Variants in PALLD observed in about 807,000 individuals in gnomAD.
PALLD encodes palladin, cytoskeletal associated protein.
In PALLD, 61 loss-of-function variants were observed where a neutral mutation model predicts 123.5. The observed-to-expected ratio is 0.49, with a 90% CI of 0.40 to 0.61. PALLD has a LOEUF of 0.61. Ranked by LOEUF, PALLD falls within the 20% of genes least tolerant of loss-of-function variation. The probability of loss-of-function intolerance (pLI) is 0.00; values close to 1 mark genes in which losing one functional copy is unlikely to be tolerated. For synonymous variants in PALLD, 465 were observed against 496.4 expected, an observed-to-expected ratio of 0.94 and a Z score of 0.84; for missense variants, 1,273 against 1,377.0, an observed-to-expected ratio of 0.92 and a Z score of 1.20.
intron 10 of PALLD, among the ~76,000 whole-genome samples, chr4:168,721,421 T>C (rs566171005): frequency 1.3e-5 from 2 of 152,020 alleles, no homozygotes; most frequent in South Asian, 4.2e-4. Context: ...ATAGACAAAA[T>C]GATATATGTA....
In PALLD at chr4:168,580,309, C is replaced by A. The variant is rs79548400; in HGVS notation, c.908+67897C>A. Among the ~76,000 whole-genome samples the A allele has an allele frequency of 2.8e-3, 422 of 151,332 alleles. 4 individuals are homozygous for A. The highest frequency in any genetic ancestry group is 8.6e-3 in the African/African-American group (354 of 41,206). On this transcript the variant is annotated intron_variant, in intron 2 of 21. Coordinates refer to ENST00000505667, the MANE Select transcript of PALLD (RefSeq NM_001166108.2). ...ATCCATGCATCCATCAACAGATGGGCAAAGGACATGAACAGACAACTTTCA... is the reference window on the plus strand; with the variant it reads ...ATCCATGCATCCATCAACAGATGGGAAAAGGACATGAACAGACAACTTTCA...
chr4:168,668,291 A>G lies in PALLD; in HGVS notation c.1010A>G (p.Asp337Gly). 6.2e-7 allele frequency: 1 copy of G among 1,614,138 alleles called. No individual in the cohort carries two copies. Among genetic ancestry groups the G allele is most frequent in the Non-Finnish European group, 8.5e-7 (1 of 1,179,978 alleles). Residue 337 changes from aspartate (D) to glycine (G), a missense_variant, in exon 3 of 22, where the codon GAC becomes GGC. This residue lies in a region of PALLD where 944 missense variants were observed against 954.5 expected (regional missense o/e 0.99). Transcript: ENST00000505667. Reference sequence around the variant, plus strand: ...CTGATCATAGCAGAGGCCTTTGAGGACGACACAGGTCGCTACACCTGTTTG... The same window carrying G: ...CTGATCATAGCAGAGGCCTTTGAGGGCGACACAGGTCGCTACACCTGTTTG... ...HTLIIAEAFE[D>G]DTGRYTCLAT... is the part of the protein sequence containing the mutation.
intron 10 of PALLD, among the ~76,000 whole-genome samples, chr4:168,825,347 G>T (rs984500948): frequency 6.6e-6 from 1 of 152,074 alleles, no homozygotes; most frequent in Non-Finnish European, 1.5e-5. Context: ...GATATATACT[G>T]CAAAATAATC....
At chr4:168,752,023 C>G (rs1055097998) in intron 10 of PALLD, among the ~76,000 whole-genome samples, 1 of 152,186 alleles carries the variant, frequency 6.6e-6, no homozygotes, top group Non-Finnish European at 1.5e-5. Context: ...CGGGCTCTGT[C>G]GAACACTCAG....
chr4:168,515,630 C>T (rs2058573162), intron 2 of PALLD, among the ~76,000 whole-genome samples: 1 of 152,140 alleles, frequency 6.6e-6, no homozygotes, highest in Admixed American at 6.5e-5. Flanking sequence ...TCCAGGCTGA[C>T]TTATAGGGAA....
At chr4:168,906,827 A>G (rs576237043) in intron 15 of PALLD, among the ~76,000 whole-genome samples, 1 of 152,262 alleles carries the variant, frequency 6.6e-6, no homozygotes, top group East Asian at 1.9e-4. Flanking sequence ...AATCTTACCC[A>G]AAGCCCAATA....
rs367779504 is a variant in PALLD, at chr4:168,670,602, G to A, written c.1087+2234G>A. ...CAAAAAATTAGCCGGGCGCGGTGGC[G>A]GGCGCCTGTAGTCCCAGCTACTCGG... On this transcript the variant is annotated intron_variant, in intron 3 of 21. Transcript: ENST00000505667. Among the ~76,000 whole-genome samples, 18 of 150,474 alleles carry A rather than the reference G, an allele frequency of 1.2e-4. No homozygotes were observed. In the South Asian group the frequency reaches 2.3e-3, roughly 19 times the overall value.
At chr4:168,841,081 C>A (rs1745970085) in intron 10 of PALLD, among the ~76,000 whole-genome samples, 1 of 152,164 alleles carries the variant, frequency 6.6e-6, no homozygotes, top group Admixed American at 6.5e-5. Flanking sequence ...AAACTCCTGA[C>A]CTCGTGATCC....
At chr4:168,899,733 A>C (rs1756047884) in intron 14 of PALLD, among the ~76,000 whole-genome samples, 1 of 152,088 alleles carries the variant, frequency 6.6e-6, no homozygotes, top group African/African-American at 2.4e-5. Flanking sequence ...CCTGGCCAAC[A>C]TGGTGAAACC....
At chr4:168,566,533 T>C (rs1768407246) in intron 2 of PALLD, among the ~76,000 whole-genome samples, 1 of 152,014 alleles carries the variant, frequency 6.6e-6, no homozygotes, top group Non-Finnish European at 1.5e-5. Flanking sequence ...CCTAGTCCTA[T>C]GAGTTCCTCC....
At chr4:168,804,964 G>T (rs931819473) in intron 10 of PALLD, among the ~76,000 whole-genome samples, 5 of 152,098 alleles carry the variant, frequency 3.3e-5, no homozygotes, top group African/African-American at 7.2e-5. Flanking sequence ...TTCAAGACCA[G>T]CCTGGCCAAC....
chr4:168,869,803 G>C lies in PALLD; in HGVS notation c.1965-21119G>C, dbSNP rs1179223799. 6.6e-6 allele frequency among the ~76,000 whole-genome samples: 1 copy of C among 152,104 alleles called. No homozygotes were observed. The highest frequency in any genetic ancestry group is 6.5e-5 in the Admixed American group (1 of 15,272). ...ATAGTGGAATTCAGGACTGAGGGCT[G>C]GGTTAGAGAGATCAGGGAGTGAGAG... On this transcript the variant is annotated intron_variant, in intron 10 of 21. Transcript: ENST00000505667. The surrounding 1 kb of genome is among the most constrained non-coding windows in gnomAD (Gnocchi z 4.5).
chr4:168,890,321 C>T (rs898910176), intron 10 of PALLD, among the ~76,000 whole-genome samples: 2 of 152,136 alleles, frequency 1.3e-5, no homozygotes, highest in Non-Finnish European at 2.9e-5. Flanking sequence ...CCTCCCAGAG[C>T]CCTCTTGTAT....
At chr4:168,805,068 G>T (rs1739971483) in intron 10 of PALLD, among the ~76,000 whole-genome samples, 1 of 151,834 alleles carries the variant, frequency 6.6e-6, no homozygotes, top group Non-Finnish European at 1.5e-5. Flanking sequence ...CGAGACAGGA[G>T]AATCGTTTAA....
intron 15 of PALLD, among the ~76,000 whole-genome samples, chr4:168,905,252 A>G (rs1288530447): frequency 1.5e-3 from 209 of 136,934 alleles, no homozygotes; most frequent in Non-Finnish European, 2.2e-3. Context: ...CTGCGTTCAC[A>G]CCATTCTCCT....
intron 17 of PALLD, 108 bp from the exon 18 acceptor site, chr4:168,921,426 A>AAG (rs1761486276): frequency 1.5e-6 from 1 of 648,158 alleles, no homozygotes; most frequent in Non-Finnish European, 2.6e-6. Context: ...AAAAAAAAAA[A>AAG]GCCACCTCTT....
At chr4:168,558,194 C>T (rs1486219446) in intron 2 of PALLD, among the ~76,000 whole-genome samples, 1 of 152,182 alleles carries the variant, frequency 6.6e-6, no homozygotes, top group East Asian at 1.9e-4. Flanking sequence ...TCCTTCATGT[C>T]CCATGTTTAC....
chr4:168,741,450 G>C (rs908241779), intron 10 of PALLD, among the ~76,000 whole-genome samples: 8 of 152,092 alleles, frequency 5.3e-5, no homozygotes, highest in African/African-American at 1.9e-4. Context: ...GCAGAGGTAG[G>C]AGGATTGCCT....
At chr4:168,785,611 G>A (rs537789518) in intron 10 of PALLD, among the ~76,000 whole-genome samples, 2 of 151,818 alleles carry the variant, frequency 1.3e-5, no homozygotes, top group South Asian at 2.1e-4. Flanking sequence ...TTCTATATAA[G>A]CTTAATTGTC....
Sources: allele counts gnomAD v4.1 joint callset (sites outside exome capture counted in the v4.1 genomes callset), GRCh38; gene constraint gnomAD v4.1.1; regional missense constraint gnomAD v4.1.1; non-coding constraint Gnocchi (gnomAD v3.1); transcripts MANE v1.5; gene names NCBI Gene and HGNC (gene_info 2026-07-23, HGNC 2026-07-21).